ETF1: variants seen among roughly 807,000 people sequenced by gnomAD.
ETF1 encodes the protein eukaryotic translation termination factor 1.
A neutral mutation model predicts 55.1 loss-of-function variants in ETF1; 4 were observed. The observed-to-expected ratio is 0.07, with a 90% CI of 0.04 to 0.17. The LOEUF is 0.17. ETF1 is among the 10% of genes least tolerant of loss of function. ETF1 has a pLI of 1.00. For synonymous variants in ETF1, 157 were observed against 182.3 expected (o/e 0.86, Z 1.12); for missense variants, 142 against 523.6 (o/e 0.27, Z 7.11).
At chr5:138,518,567 G>A in intron 3 of ETF1, 125 bp downstream of exon 3, 4 of 794,766 alleles carry the variant, frequency 5.0e-6, no homozygotes, top group Non-Finnish European at 8.0e-6. Flanking sequence ...TAACCACCAA[G>A]GCCAAAGAGA....
intron 2 of ETF1, among the ~76,000 whole-genome samples, chr5:138,539,579 G>T (rs154071): frequency 6.6e-6 from 1 of 152,102 alleles, no homozygotes; most frequent in African/African-American, 2.4e-5. Flanking sequence ...ACTAACATTC[G>T]ACCAGGCTTA....
intron 2 of ETF1, among the ~76,000 whole-genome samples, chr5:138,524,263 G>T (rs1188023659): frequency 2.6e-5 from 4 of 151,818 alleles, no homozygotes; most frequent in Non-Finnish European, 4.4e-5. Flanking sequence ...TGAGGCACGA[G>T]AATCGCTCGA....
intron 2 of ETF1, among the ~76,000 whole-genome samples, chr5:138,532,202 C>T (rs1441481388): frequency 2.0e-5 from 3 of 152,290 alleles, no homozygotes; most frequent in Admixed American, 6.5e-5. Context: ...GTTTTATTCA[C>T]TGTGTGTTTT....
rs944486299 is a variant in ETF1, at chr5:138,508,579, C to T, written c.1231+90G>A. 8 of 1,570,404 alleles carry T rather than the reference C, an allele frequency of 5.1e-6. No individual in the cohort carries two copies. In the African/African-American group the frequency reaches 1.1e-4, roughly 21 times the overall value. ...ATCACCTATCCCAGCAGATAATAAGCACCTCACCGGAAGCAGGGCTAGGGC... is the reference window on the plus strand; with the variant it reads ...ATCACCTATCCCAGCAGATAATAAGTACCTCACCGGAAGCAGGGCTAGGGC... On this transcript the variant is annotated intron_variant, in intron 10 of 10. Transcript: ENST00000360541.
rs1581014724 is a variant in ETF1 at position 138,510,647 on chromosome 5, A to AAAAATGTGTT, written c.1019-28_1019-19dup. On this transcript the variant is annotated intron_variant, in intron 8 of 10. Coordinates refer to ENST00000360541, the MANE Select transcript of ETF1 (RefSeq NM_004730.4). ...TTTCTCCTCTGTAGTATTAGGAGGA[A>AAAAATGTGTT]AAAATGTGTTAACCTGGCTCTCATA... 3.5e-5 allele frequency: 57 copies of AAAAATGTGTT among 1,612,918 alleles called. No individual in the cohort carries two copies. The highest frequency in any genetic ancestry group is 4.6e-5 in the Non-Finnish European group (54 of 1,179,182).
rs188458842 is a variant in ETF1 at position 138,525,689 on chromosome 5, T to C, written c.87-6822A>G. ...GGCCAGGCGCGGTAGCTCATACCTG[T>C]AATCCCAGCACTGTGGGAGGCCGAG... On this transcript the variant is annotated intron_variant, in intron 2 of 10. Coordinates refer to ENST00000360541, the MANE Select transcript of ETF1 (RefSeq NM_004730.4). 8.9e-4 allele frequency among the ~76,000 whole-genome samples: 135 copies of C among 152,092 alleles called. 1 individual carries two copies. In the East Asian group the frequency reaches 0.023, roughly 26 times the overall value.
chr5:138,534,958 C>G (rs1765855344), intron 2 of ETF1, among the ~76,000 whole-genome samples: 1 of 145,794 alleles, frequency 6.9e-6, no homozygotes, highest in African/African-American at 2.6e-5. Flanking sequence ...CCTCAGAAAA[C>G]TAGTTTCTTT....
intron 3 of ETF1, 100 bp downstream of exon 3, chr5:138,518,592 G>T: frequency 1.0e-6 from 1 of 992,846 alleles, no homozygotes; most frequent in Non-Finnish European, 1.5e-6. Context: ...GATGACAGCC[G>T]ACTTAAGGGA....
chr5:138,538,414 T>C (rs927605310), intron 2 of ETF1, among the ~76,000 whole-genome samples: 1 of 152,150 alleles, frequency 6.6e-6, no homozygotes, highest in Non-Finnish European at 1.5e-5. Flanking sequence ...GGTCTTGAAC[T>C]CCTGACCTCA....
chr5:138,522,378 C>T (rs154073), intron 2 of ETF1, among the ~76,000 whole-genome samples: 65,728 of 151,838 alleles, frequency 0.43, 14,717 homozygotes, highest in East Asian at 0.8. Context: ...GTGAAGAAAT[C>T]GAAATCTTCA....
intron 2 of ETF1, among the ~76,000 whole-genome samples, chr5:138,540,398 A>G (rs564991372): frequency 3.9e-5 from 6 of 152,356 alleles, no homozygotes; most frequent in African/African-American, 1.4e-4. Context: ...AAGTCTTTAA[A>G]GCCCATTACA....
intron 4 of ETF1, among the ~76,000 whole-genome samples, chr5:138,514,891 G>GATCTCTAATTGCCAGGGGACA (rs1228153161): frequency 1.3e-5 from 2 of 152,120 alleles, no homozygotes; most frequent in African/African-American, 4.8e-5. Context: ...ACACTTAGTT[G>GATCTCTAATTGCCAGGGGACA]ATCTCTAATT....
chr5:138,543,038 C>T lies in ETF1; in HGVS notation c.-19+59G>A. 3 of 1,038,814 alleles carry T rather than the reference C, an allele frequency of 2.9e-6. No individual in the cohort carries two copies. The East Asian group carries it at 7.7e-5, about 27-fold the overall frequency. The allele number at this position is 1,038,814 out of a possible 1,614,324, so 64.3% of individuals were successfully genotyped here. A position where few individuals can be genotyped will look rare whatever the true frequency, so the allele number is the denominator to read the frequency against. On this transcript the variant is annotated intron_variant, in intron 1 of 10. Transcript: ENST00000360541. Reference sequence around the variant, plus strand: ...CCTCGCCATCCCCCAGAGGCCCTCTCCTCCCGTCCGGTGCAGCTCGCCACA... The same window carrying T: ...CCTCGCCATCCCCCAGAGGCCCTCTTCTCCCGTCCGGTGCAGCTCGCCACA...
chr5:138,533,789 G>T (rs1457635423), intron 2 of ETF1, among the ~76,000 whole-genome samples: 1 of 152,120 alleles, frequency 6.6e-6, no homozygotes, highest in Non-Finnish European at 1.5e-5. Flanking sequence ...GCACCTAAAA[G>T]TTCAAACCAT....
At chr5:138,526,943 G>T (rs188845480) in intron 2 of ETF1, among the ~76,000 whole-genome samples, 1 of 151,970 alleles carries the variant, frequency 6.6e-6, no homozygotes, top group Non-Finnish European at 1.5e-5. Context: ...CTTGTGATCC[G>T]CCCACCTCAG....
intron 3 of ETF1, among the ~76,000 whole-genome samples, chr5:138,518,279 T>C (rs1765104085): frequency 6.6e-6 from 1 of 150,972 alleles, no homozygotes; most frequent in Non-Finnish European, 1.5e-5. Flanking sequence ...AGCGAGATCG[T>C]GGCTCACTGC....
intron 3 of ETF1, among the ~76,000 whole-genome samples, chr5:138,518,315 AT>A (rs1018459419): frequency 2.0e-5 from 3 of 151,722 alleles, no homozygotes; most frequent in Non-Finnish European, 2.9e-5. Context: ...GGTCCAGTTG[AT>A]TCTCTCGCCT....
intron 2 of ETF1, among the ~76,000 whole-genome samples, chr5:138,540,868 T>C (rs1018951942): frequency 1.3e-5 from 2 of 152,210 alleles, no homozygotes; most frequent in African/African-American, 2.4e-5. Context: ...CTAGGTAACA[T>C]GGGTAGAACA....
chr5:138,517,546 G>A lies in ETF1; in HGVS notation c.402+15C>T. 1 of 1,528,910 alleles carries A rather than the reference G, an allele frequency of 6.5e-7. No homozygotes were observed. The highest frequency in any genetic ancestry group is 1.2e-5 in the South Asian group (1 of 83,948). 94.7% of individuals were successfully genotyped at this position (1,528,910 alleles called of 1,614,324 possible). ...ATTCTGGAGCGATGAAAATGTTCTGGGTTTGACTTCTTACCTCTGTATGGA... is the reference window on the plus strand; with the variant it reads ...ATTCTGGAGCGATGAAAATGTTCTGAGTTTGACTTCTTACCTCTGTATGGA... On this transcript the variant is annotated intron_variant, in intron 4 of 10. Transcript: ENST00000360541.
Sources: allele counts gnomAD v4.1 joint callset (sites outside exome capture counted in the v4.1 genomes callset), GRCh38; gene constraint gnomAD v4.1.1; transcripts MANE v1.5; gene names NCBI Gene and HGNC (gene_info 2026-07-23, HGNC 2026-07-21).